Variants in GPATCH1 observed in about 807,000 individuals in gnomAD.
GPATCH1 encodes G-patch domain containing 1, also known as G patch domain-containing protein 1.
GPATCH1 carries 73 observed loss-of-function variants against 114.9 expected under a neutral mutation model. That is an observed-to-expected ratio of 0.64 (90% CI 0.53 to 0.77). GPATCH1 has a LOEUF of 0.77. GPATCH1 is among the 30% of genes least tolerant of loss of function. The pLI is 0.00. For missense variants in GPATCH1, 1,058 were observed against 1,144.3 expected, an observed-to-expected ratio of 0.92 and a Z score of 1.09; for synonymous variants, 391 against 428.4, an observed-to-expected ratio of 0.91 and a Z score of 1.08.
intron 3 of GPATCH1, among the ~76,000 whole-genome samples, chr19:33,091,212 C>G (rs1013843217): frequency 6.6e-6 from 1 of 151,956 alleles, no homozygotes; most frequent in Non-Finnish European, 1.5e-5. Flanking sequence ...GAGATCAAGA[C>G]CATCCTGGCT....
At chr19:33,111,588 C>A (rs1972854425) in intron 11 of GPATCH1, 136 bp from the exon 12 acceptor site, 5 of 825,158 alleles carry the variant, frequency 6.1e-6, no homozygotes, top group Non-Finnish European at 7.6e-6. Context: ...AAATACCTCA[C>A]CATTCCCATA....
chr19:33,086,377 C>T (rs768175480), intron 1 of GPATCH1, among the ~76,000 whole-genome samples: 1 of 152,178 alleles, frequency 6.6e-6, no homozygotes, highest in African/African-American at 2.4e-5. Context: ...CTCGTTACCA[C>T]CCTACAAAGA....
rs150876031 is a variant in GPATCH1 at position 33,130,372 on chromosome 19, C to T, written c.*212C>T. 585 of 431,112 alleles carry T rather than the reference C, an allele frequency of 1.4e-3. 8 individuals carry two copies. The East Asian group carries it at 0.02, about 15-fold the overall frequency. The allele number at this position is 431,112 out of a possible 1,614,324, so 26.7% of individuals were successfully genotyped here. A position where few individuals can be genotyped will look rare whatever the true frequency, so the allele number is the denominator to read the frequency against. On this transcript the variant is annotated 3_prime_UTR_variant, in exon 20 of 20. Coordinates refer to ENST00000170564, the MANE Select transcript of GPATCH1 (RefSeq NM_018025.3). ...CAGTTAGTATCGGGGGAAAAAAATC[C>T]AGACTGAACAGTTTAATTAAAGTGG...
intron 9 of GPATCH1, among the ~76,000 whole-genome samples, chr19:33,104,149 G>A (rs912970012): frequency 4.6e-5 from 7 of 151,080 alleles, no homozygotes; most frequent in African/African-American, 1.2e-4. Flanking sequence ...GGGCAACATG[G>A]TGAAACCCCA....
intron 9 of GPATCH1, among the ~76,000 whole-genome samples, chr19:33,102,684 C>T (rs761788996): frequency 1.3e-5 from 2 of 152,160 alleles, no homozygotes; most frequent in East Asian, 1.9e-4. Flanking sequence ...CGTGAGCCAC[C>T]GCGCCCGGCC....
chr19:33,115,254 T>C (rs1369867825), intron 15 of GPATCH1, among the ~76,000 whole-genome samples: 2 of 110,060 alleles, frequency 1.8e-5, no homozygotes, highest in East Asian at 6.0e-4. Context: ...TTTTTTTTTT[T>C]TTCAGAGAAA....
chr19:33,117,011 A>G (rs550489481), intron 15 of GPATCH1, among the ~76,000 whole-genome samples: 2 of 152,138 alleles, frequency 1.3e-5, no homozygotes, highest in Admixed American at 6.5e-5. Context: ...CCTGGGCAAC[A>G]TCGTGAGACC....
In GPATCH1 at chr19:33,113,122, A is replaced by T. The variant is rs749602828; in HGVS notation, c.1892+509A>T. 86 of 155,798 alleles carry T rather than the reference A, an allele frequency of 5.5e-4. 1 individual carries two copies. Among genetic ancestry groups the T allele is most frequent in the Non-Finnish European group, 1.0e-3 (72 of 70,714 alleles). The allele number at this position is 155,798 out of a possible 1,614,324, so 9.7% of individuals were successfully genotyped here. A position where few individuals can be genotyped will look rare whatever the true frequency, so the allele number is the denominator to read the frequency against. Reference sequence around the variant, plus strand: ...TAAGACCCCATCTCTAAAAAATCAAACAAACAAACAAACAAACAGAACACT... The same window carrying T: ...TAAGACCCCATCTCTAAAAAATCAATCAAACAAACAAACAAACAGAACACT... On this transcript the variant is annotated intron_variant, in intron 13 of 19. Transcript: ENST00000170564.
intron 1 of GPATCH1, among the ~76,000 whole-genome samples, chr19:33,083,127 C>T (rs1472446393): frequency 6.6e-6 from 1 of 150,786 alleles, no homozygotes; most frequent in African/African-American, 2.4e-5. Flanking sequence ...TCATGTAGTC[C>T]CAGCTACTCG....
At chr19:33,086,748 G>A (rs993584123) in intron 1 of GPATCH1, among the ~76,000 whole-genome samples, 1 of 152,012 alleles carries the variant, frequency 6.6e-6, no homozygotes, top group African/African-American at 2.4e-5. Flanking sequence ...GAGTCATTGC[G>A]CCAGGCTGAT....
rs750487564 is a variant in GPATCH1, at chr19:33,090,806, TCA to T, written c.237_238del (p.Arg80ThrfsTer12). ...EGWTPSTFVS[S>X]RQNRADKSVL... is the part of the protein sequence containing the mutation. ...ATGGACACCCTCTACCTTTGTGTCTTCACGACAGAACAGAGCAGACAAATCTG... is the reference window on the plus strand; with the variant it reads ...ATGGACACCCTCTACCTTTGTGTCTTCGACAGAACAGAGCAGACAAATCTG... On this transcript the variant is annotated frameshift_variant, in exon 3 of 20. Transcript: ENST00000170564. LOFTEE classifies it high-confidence loss of function. 1 of 1,613,164 alleles carries T rather than the reference TCA, an allele frequency of 6.2e-7. No homozygotes were observed. Among genetic ancestry groups the T allele is most frequent in the Non-Finnish European group, 8.5e-7 (1 of 1,179,208 alleles).
intron 2 of GPATCH1, among the ~76,000 whole-genome samples, chr19:33,090,174 G>A (rs939295340): frequency 2.0e-5 from 3 of 152,162 alleles, no homozygotes; most frequent in Admixed American, 2.0e-4. Context: ...CTCGGTAACC[G>A]TGGTCAGGGA....
chr19:33,100,887 A>C (rs1972718809), intron 8 of GPATCH1, among the ~76,000 whole-genome samples: 1 of 152,108 alleles, frequency 6.6e-6, no homozygotes, highest in South Asian at 2.1e-4. Flanking sequence ...ATCAAATCAA[A>C]GAGCTTTTGT....
intron 5 of GPATCH1, among the ~76,000 whole-genome samples, chr19:33,094,973 G>T (rs1014906730): frequency 5.9e-5 from 9 of 152,058 alleles, no homozygotes; most frequent in Non-Finnish European, 5.9e-5. Flanking sequence ...AGACCAGCCT[G>T]GGCAACACGG....
At chr19:33,113,496 T>TC (rs1055233199) in intron 13 of GPATCH1, 4 of 345,706 alleles carry the variant, frequency 1.2e-5, no homozygotes, top group African/African-American at 8.6e-5. Context: ...CCAGAGACTG[T>TC]CAGAAACTTT....
intron 19 of GPATCH1, among the ~76,000 whole-genome samples, chr19:33,127,802 G>A (rs1973060152): frequency 6.6e-6 from 1 of 151,018 alleles, no homozygotes; most frequent in Admixed American, 6.6e-5. Context: ...TCTGCCTCCC[G>A]GGTTCAAGCA....
rs1296990697 is a variant in GPATCH1 at position 33,109,868 on chromosome 19, A to C, written c.1437A>C (p.Ala479=). 6.2e-7 allele frequency: 1 copy of C among 1,614,186 alleles called. No individual in the cohort carries two copies. Among genetic ancestry groups the C allele is most frequent in the East Asian group, 2.2e-5 (1 of 44,882 alleles). Residue 479 remains alanine, a synonymous_variant, in exon 11 of 20, where the codon GCA becomes GCC. Coordinates refer to ENST00000170564, the MANE Select transcript of GPATCH1 (RefSeq NM_018025.3). ...GCAGCAGAGCCCAGCTCTCCCCTGC[A>C]GCGGCTGCTGGGCACTGCTCTTGGA... The part of the protein sequence containing the change: ...AQSSRAQLSP[A]AAAGHCSWNM...
intron 3 of GPATCH1, among the ~76,000 whole-genome samples, chr19:33,092,780 G>A (rs1380393777): frequency 1.3e-5 from 2 of 152,170 alleles, no homozygotes; most frequent in Non-Finnish European, 1.5e-5. Context: ...AGAAGAACAC[G>A]GCCATTACTT....
chr19:33,098,064 G>C (rs552520351), intron 8 of GPATCH1, among the ~76,000 whole-genome samples, 162 bp downstream of exon 8: 1 of 152,354 alleles, frequency 6.6e-6, no homozygotes, highest in East Asian at 1.9e-4. Flanking sequence ...TGAAACAAAT[G>C]CAGGATTCAG....
Sources: allele counts gnomAD v4.1 joint callset (sites outside exome capture counted in the v4.1 genomes callset), GRCh38; gene constraint gnomAD v4.1.1; transcripts MANE v1.5; gene names NCBI Gene and HGNC (gene_info 2026-07-23, HGNC 2026-07-21).